Variants in TMCO5A observed in about 807,000 individuals in gnomAD.
TMCO5A encodes the protein transmembrane and coiled-coil domain-containing protein 5A.
In TMCO5A, 34 loss-of-function variants were observed where a neutral mutation model predicts 42.3. The ratio of observed to expected loss-of-function variants is 0.80; its 90% CI spans 0.61 to 1.07. TMCO5A has a LOEUF of 1.07. TMCO5A is among the 50% of genes least tolerant of loss of function. TMCO5A has a pLI of 0.00. For synonymous variants in TMCO5A, 131 were observed against 115.6 expected, an observed-to-expected ratio of 1.13 and a Z score of -0.86; for missense variants, 357 against 327.9, an observed-to-expected ratio of 1.09 and a Z score of -0.69.
At chr15:37,965,638 G>A (rs925447107) in intron 11 of TMCO5A, among the ~76,000 whole-genome samples, 3 of 152,136 alleles carry the variant, frequency 2.0e-5, no homozygotes, top group African/African-American at 7.2e-5. Context: ...CATACAAATG[G>A]CAAACAGGCA....
At chr15:37,981,331 A>G in the TMCO5A span, among the ~76,000 whole-genome samples, 1 of 152,198 alleles carries the variant, frequency 6.6e-6, no homozygotes, top group Non-Finnish European at 1.5e-5. Flanking sequence ...TTTAAAAGAT[A>G]AGAAAGGAAA....
At chr15:37,969,434 G>T (rs1890631821), downstream of TMCO5A, among the ~76,000 whole-genome samples, 2 of 152,154 alleles carry the variant, frequency 1.3e-5, no homozygotes, top group Admixed American at 6.5e-5. Flanking sequence ...CCCACATTCT[G>T]ATAATACCAG....
At position 37,940,372 on chromosome 15, in the gene TMCO5A, C is replaced by A. The variant is rs532761309; in HGVS notation, c.388-777C>A. 2.0e-4 allele frequency among the ~76,000 whole-genome samples: 30 copies of A among 152,270 alleles called. No homozygotes were observed. The South Asian group carries it at 6.2e-3, about 32-fold the overall frequency. ...CTCATATAAGCCAAATCTGTGATAACCTCATGGTCTTGGCCCTTGCCATAC... is the reference window on the plus strand; with the variant it reads ...CTCATATAAGCCAAATCTGTGATAAACTCATGGTCTTGGCCCTTGCCATAC... On this transcript the variant is annotated intron_variant, in intron 6 of 11. Transcript: ENST00000319669.
the TMCO5A span, among the ~76,000 whole-genome samples, chr15:38,024,011 T>A: frequency 2.6e-5 from 4 of 152,206 alleles, no homozygotes; most frequent in African/African-American, 7.2e-5. Flanking sequence ...GTGGAAAGAG[T>A]GTGTCAATTT....
downstream of TMCO5A, among the ~76,000 whole-genome samples, chr15:37,952,322 G>A (rs1009707374): frequency 3.9e-5 from 6 of 151,974 alleles, no homozygotes; most frequent in Admixed American, 6.6e-5. Context: ...GACCGTTTCC[G>A]ACTGCTCAAG....
intron 6 of TMCO5A, among the ~76,000 whole-genome samples, chr15:37,938,743 C>T (rs1889623004): frequency 6.6e-6 from 1 of 152,044 alleles, no homozygotes; most frequent in Non-Finnish European, 1.5e-5. Flanking sequence ...TTTATGTACC[C>T]TGTCCTGGAT....
the TMCO5A span, among the ~76,000 whole-genome samples, chr15:38,010,314 TG>T: frequency 2.1e-5 from 3 of 140,334 alleles, no homozygotes; most frequent in South Asian, 6.6e-4. Flanking sequence ...AGGCGGAGCT[TG>T]GGTGAGCTGA....
exon 12 of TMCO5A, chr15:37,967,357 A>G (rs765227521): frequency 1.3e-5 from 2 of 152,246 alleles, no homozygotes; most frequent in Non-Finnish European, 2.9e-5. Flanking sequence ...AGCTGATATC[A>G]AGCAGGTCAT....
At chr15:38,036,963 T>C in the TMCO5A span, among the ~76,000 whole-genome samples, 6,312 of 152,178 alleles carry the variant, frequency 0.041, 445 homozygotes, top group African/African-American at 0.14. Flanking sequence ...ACAACTGGGG[T>C]ATGTACCTCC....
At chr15:38,004,178 C>T in the TMCO5A span, among the ~76,000 whole-genome samples, 1 of 152,034 alleles carries the variant, frequency 6.6e-6, no homozygotes, top group African/African-American at 2.4e-5. Context: ...CCTTCTAGCC[C>T]AGAGTGTGTC....
At chr15:37,944,643 C>T (rs1889869307) in intron 10 of TMCO5A, among the ~76,000 whole-genome samples, 1 of 152,040 alleles carries the variant, frequency 6.6e-6, no homozygotes, top group Non-Finnish European at 1.5e-5. Context: ...CTATGTTGTT[C>T]AGGCTGGTCT....
downstream of TMCO5A, among the ~76,000 whole-genome samples, chr15:37,967,948 T>C (rs1242334058): frequency 6.6e-6 from 1 of 152,156 alleles, no homozygotes; most frequent in Admixed American, 6.5e-5. Context: ...AGTAATTTAT[T>C]GTACAAATTG....
At chr15:38,033,819 A>G in the TMCO5A span, among the ~76,000 whole-genome samples, 2,283 of 151,970 alleles carry the variant, frequency 0.015, 47 homozygotes, top group African/African-American at 0.053. Flanking sequence ...TCACCATGTT[A>G]GCCAGGCTGG....
At chr15:37,942,459 G>C (rs1249860201) in intron 9 of TMCO5A, 2 of 538,100 alleles carry the variant, frequency 3.7e-6, no homozygotes, top group Admixed American at 5.8e-5. Flanking sequence ...CTTCTAAAAA[G>C]ACCACAGAAA....
chr15:37,958,842 C>G (rs1890355004), intron 11 of TMCO5A, among the ~76,000 whole-genome samples: 1 of 151,996 alleles, frequency 6.6e-6, no homozygotes, highest in African/African-American at 2.4e-5. Context: ...TGGCACTGTT[C>G]ACAATAGCAA....
chr15:38,012,081 G>A, the TMCO5A span, among the ~76,000 whole-genome samples: 3 of 150,520 alleles, frequency 2.0e-5, no homozygotes, highest in South Asian at 2.1e-4. Context: ...CCAAGATCGC[G>A]CCACTGCACT....
chr15:38,034,514 C>T, the TMCO5A span, among the ~76,000 whole-genome samples: 1 of 152,108 alleles, frequency 6.6e-6, no homozygotes, highest in African/African-American at 2.4e-5. Flanking sequence ...AATATCGAAA[C>T]GATGAATTTT....
the TMCO5A span, among the ~76,000 whole-genome samples, chr15:37,980,238 C>G: frequency 6.6e-6 from 1 of 152,126 alleles, no homozygotes; most frequent in South Asian, 2.1e-4. Context: ...TCAGCCCTGT[C>G]GATTCAGCCT....
chr15:37,951,890 C>G (rs892198251), downstream of TMCO5A, among the ~76,000 whole-genome samples: 2 of 151,980 alleles, frequency 1.3e-5, no homozygotes, highest in African/African-American at 2.4e-5. Context: ...ACCAACACCC[C>G]CCCTTTCCCA....
Sources: gnomAD v4.1 joint callset for allele counts (sites outside exome capture counted in the v4.1 genomes callset) on GRCh38, gnomAD v4.1.1 for gene constraint, MANE v1.5 for transcripts, NCBI Gene and HGNC (gene_info 2026-07-23, HGNC 2026-07-21) for gene names.